Variants in MAP2K5 observed in about 807,000 individuals in gnomAD.
The protein encoded by MAP2K5 is mitogen-activated protein kinase kinase 5.
A neutral mutation model predicts 83.1 loss-of-function variants in MAP2K5; 49 were observed. The observed-to-expected ratio is 0.59, with a 90% confidence interval of 0.47 to 0.75. MAP2K5 has a LOEUF of 0.75. Among genes scored for constraint, MAP2K5 ranks in the 30% least tolerant of loss-of-function variants. MAP2K5 has a pLI of 0.00. For missense variants in MAP2K5, 457 were observed against 557.5 expected (o/e 0.82, Z 1.82); for synonymous variants, 202 against 191.8 (o/e 1.05, Z -0.44).
chr15:67,661,709 T>C (rs1198148510), intron 12 of MAP2K5, among the ~76,000 whole-genome samples: 4 of 152,198 alleles, frequency 2.6e-5, no homozygotes, highest in East Asian at 3.8e-4. Context: ...TGCCTTCCCC[T>C]ACATGTTTTC....
chr15:67,600,901 A>G, intron 8 of MAP2K5, 152 bp downstream of exon 8: 3 of 596,472 alleles, frequency 5.0e-6, no homozygotes, highest in Non-Finnish European at 5.8e-6. Context: ...TATTTTCTCA[A>G]GAATTGCCTG....
At position 67,780,084 on chromosome 15, in the gene MAP2K5, T is replaced by C. The variant is rs1341188142; in HGVS notation, c.1242+7332T>C. Among the ~76,000 whole-genome samples, 1 of 152,212 alleles carries C rather than the reference T, an allele frequency of 6.6e-6. No homozygotes were observed. Among genetic ancestry groups the C allele is most frequent in the Non-Finnish European group, 1.5e-5 (1 of 68,044 alleles). On this transcript the variant is annotated intron_variant, in intron 21 of 21. Coordinates refer to ENST00000178640, the MANE Select transcript of MAP2K5 (RefSeq NM_145160.3). This position sits in a 1 kb window ranked among gnomAD's most constrained non-coding sequence, Gnocchi z 5.0. ...CTTCCTTCTCTGAAGCCCTTCAGCA[T>C]GTATTGTGTCTAGGTTGGAACAGCA...
chr15:67,606,658 C>T (rs999100052), intron 8 of MAP2K5, among the ~76,000 whole-genome samples: 1 of 152,000 alleles, frequency 6.6e-6, no homozygotes, highest in Non-Finnish European at 1.5e-5. Context: ...GTGTTTTGCA[C>T]TTGTGATTTG....
Position 67,561,422 on chromosome 15 carries a change from T to C in MAP2K5, c.185-1861T>C, listed in dbSNP as rs1484013993. 1.3e-5 allele frequency among the ~76,000 whole-genome samples: 2 copies of C among 152,216 alleles called. No individual in the cohort carries two copies. Among genetic ancestry groups the C allele is most frequent in the Non-Finnish European group, 2.9e-5 (2 of 68,044 alleles). On this transcript the variant is annotated intron_variant, in intron 2 of 21. Coordinates refer to ENST00000178640, the MANE Select transcript of MAP2K5 (RefSeq NM_145160.3). The surrounding 1 kb of genome is among the most constrained non-coding windows in gnomAD (Gnocchi z 4.2). ...CTAGAGATTCTATATCTAAAGCGAA[T>C]GAAAGAATCTTTATGTGTGTAACAT... is the stretch of plus-strand genomic sequence containing the variant.
intron 3 of MAP2K5, among the ~76,000 whole-genome samples, chr15:67,564,946 AATG>A (rs1346709977): frequency 6.6e-6 from 1 of 152,216 alleles, no homozygotes; most frequent in East Asian, 1.9e-4. Context: ...TCACAGTGAT[AATG>A]ATGATTTCCA....
At chr15:67,660,871 G>GAAA (rs10684162) in intron 12 of MAP2K5, among the ~76,000 whole-genome samples, 69 of 145,490 alleles carry the variant, frequency 4.7e-4, no homozygotes, top group Non-Finnish European at 7.2e-4. Flanking sequence ...AACAGAATGA[G>GAAA]AAAAAAAAAA....
chr15:67,658,828 GT>G, intron 12 of MAP2K5: 1 of 596,278 alleles, frequency 1.7e-6, no homozygotes, highest in South Asian at 1.5e-5. Context: ...ACCTGTTCTA[GT>G]TTCATGTGTT....
chr15:67,600,234 G>A (rs1438126084), intron 7 of MAP2K5, among the ~76,000 whole-genome samples: 2 of 152,120 alleles, frequency 1.3e-5, no homozygotes, highest in Admixed American at 1.3e-4. Context: ...TGTTAATTAT[G>A]GGGGTCATCT....
In MAP2K5 at chr15:67,565,463, C is replaced by T. The variant is rs573784943; in HGVS notation, c.252+2113C>T. ...CAGGCTGGTCTCAAACTCCTGACCCCGTGATCCACCCGCCTCGGCCTCCCA... is the reference window on the plus strand; with the variant it reads ...CAGGCTGGTCTCAAACTCCTGACCCTGTGATCCACCCGCCTCGGCCTCCCA... On this transcript the variant is annotated intron_variant, in intron 3 of 21. Coordinates refer to ENST00000178640, the MANE Select transcript of MAP2K5 (RefSeq NM_145160.3). The surrounding 1 kb of genome is among the most constrained non-coding windows in gnomAD (Gnocchi z 4.1). Among the ~76,000 whole-genome samples, 2 of 152,244 alleles carry T rather than the reference C, an allele frequency of 1.3e-5. No homozygotes were observed. The highest frequency in any genetic ancestry group is 2.1e-4 in the South Asian group (1 of 4,820).
Position 67,721,396 on chromosome 15 carries a change from A to G in MAP2K5, c.1045-6520A>G, listed in dbSNP as rs28372357. 5.5e-3 allele frequency among the ~76,000 whole-genome samples: 832 copies of G among 152,296 alleles called. 12 individuals are homozygous for G. Among genetic ancestry groups the G allele is most frequent in the African/African-American group, 0.019 (783 of 41,570 alleles). On this transcript the variant is annotated intron_variant, in intron 16 of 21. Coordinates refer to ENST00000178640, the MANE Select transcript of MAP2K5 (RefSeq NM_145160.3). ...TTGGTTTTAATATTGGCACCCGTTA[A>G]GGCGCACTCCTGATGGGACCCTCAC...
intron 11 of MAP2K5, among the ~76,000 whole-genome samples, chr15:67,651,641 A>T (rs1319788132): frequency 1.3e-5 from 2 of 152,172 alleles, no homozygotes; most frequent in African/African-American, 4.8e-5. Flanking sequence ...TGTCCAGATT[A>T]TTTCATTTAA....
intron 17 of MAP2K5, among the ~76,000 whole-genome samples, chr15:67,741,802 T>C (rs1292948040): frequency 1.3e-5 from 2 of 152,140 alleles, no homozygotes; most frequent in African/African-American, 4.8e-5. Flanking sequence ...TCTTCAAATA[T>C]ATGAAGAGCT....
At chr15:67,609,775 C>T (rs547907051) in intron 8 of MAP2K5, among the ~76,000 whole-genome samples, 7 of 151,896 alleles carry the variant, frequency 4.6e-5, no homozygotes, top group African/African-American at 1.7e-4. Flanking sequence ...TGAGGAGGTG[C>T]TGTTTGAGCT....
intron 21 of MAP2K5, among the ~76,000 whole-genome samples, chr15:67,796,579 A>G (rs2090607850): frequency 6.6e-6 from 1 of 152,200 alleles, no homozygotes; most frequent in South Asian, 2.1e-4. Context: ...GTCACCTCCT[A>G]CCAGGCCCCA....
In MAP2K5 at chr15:67,777,694, G is replaced by A. The variant is rs2090263662; in HGVS notation, c.1242+4942G>A. 6.6e-6 allele frequency among the ~76,000 whole-genome samples: 1 copy of A among 152,178 alleles called. No individual in the cohort carries two copies. The highest frequency in any genetic ancestry group is 6.5e-5 in the Admixed American group (1 of 15,274). On this transcript the variant is annotated intron_variant, in intron 21 of 21. Transcript: ENST00000178640. The surrounding 1 kb of genome is among the most constrained non-coding windows in gnomAD (Gnocchi z 6.0). ...GCGAGAATTTCAGAGAAACAAGCTG[G>A]CGAAGAAATTTTCTTTATGCTGTTA...
chr15:67,670,014 C>T (rs1053146837), intron 13 of MAP2K5, among the ~76,000 whole-genome samples: 1 of 152,092 alleles, frequency 6.6e-6, no homozygotes, highest in African/African-American at 2.4e-5. Context: ...TGGCTTTATT[C>T]ATAATAGCTC....
chr15:67,672,111 T>C (rs902369708), intron 13 of MAP2K5, among the ~76,000 whole-genome samples: 2,756 of 151,692 alleles, frequency 0.018, 81 homozygotes, highest in African/African-American at 0.063. Context: ...TGAATAGTGC[T>C]GCAATAAACA....
At chr15:67,590,446 C>CTCTCTCTCTCTCTCTCTCTCTCTCTCT (rs1555529574) in intron 6 of MAP2K5, among the ~76,000 whole-genome samples, 1 of 30,544 alleles carries the variant, frequency 3.3e-5, no homozygotes, top group Admixed American at 4.2e-4. Flanking sequence ...TCCCTCCCTC[C>CTCTCTCTCTCTCTCTCTCTCTCTCTCT]CTCTCTCTCT....
chr15:67,706,003 T>C (rs775957509), intron 16 of MAP2K5, among the ~76,000 whole-genome samples: 5 of 152,302 alleles, frequency 3.3e-5, no homozygotes, highest in Admixed American at 2.0e-4. Flanking sequence ...CTAAGGACTT[T>C]AGGTATTACT....
Sources: gnomAD v4.1 joint callset for allele counts (sites outside exome capture counted in the v4.1 genomes callset) on GRCh38, gnomAD v4.1.1 for gene constraint, Gnocchi (gnomAD v3.1) non-coding constraint, MANE v1.5 for transcripts, NCBI Gene and HGNC (gene_info 2026-07-23, HGNC 2026-07-21) for gene names.